CEP295: variants seen among roughly 807,000 people sequenced by gnomAD.
CEP295 encodes centrosomal protein 295.
A neutral mutation model predicts 291.6 loss-of-function variants in CEP295; 190 were observed. The observed-to-expected ratio is 0.65, with a 90% confidence interval of 0.58 to 0.73. The LOEUF (loss-of-function observed/expected upper bound fraction) is 0.73, where lower values mean the gene tolerates loss of function less well. Among genes scored for constraint, CEP295 ranks in the 30% least tolerant of loss-of-function variants. The pLI is 0.00. For missense variants in CEP295, 2,863 were observed against 2,949.4 expected (o/e 0.97, Z 0.68); for synonymous variants, 993 against 1,038.8 (o/e 0.96, Z 0.85).
At chr11:93,663,104 A>T (rs1168044581) in intron 1 of CEP295, among the ~76,000 whole-genome samples, 1 of 152,224 alleles carries the variant, frequency 6.6e-6, no homozygotes, top group Non-Finnish European at 1.5e-5. Context: ...CAACTTTGAC[A>T]TGAGAATGTA....
In CEP295 at chr11:93,705,845, G is replaced by A. The variant is rs557063917; in HGVS notation, c.5597-900G>A. On this transcript the variant is annotated intron_variant, in intron 17 of 29. Coordinates refer to ENST00000325212, the MANE Select transcript of CEP295 (RefSeq NM_033395.2). ...AAAAGTATGGCTTTGTAGTGAGGAC[G>A]CTCACCTTAGTATCTGTAGTTCCAT... Among the ~76,000 whole-genome samples, 11 of 152,260 alleles carry A rather than the reference G, an allele frequency of 7.2e-5. No individual in the cohort carries two copies. In the South Asian group the frequency reaches 2.3e-3, roughly 32 times the overall value.
At chr11:93,692,371 A>G (rs1363670523) in intron 12 of CEP295, among the ~76,000 whole-genome samples, 1 of 152,238 alleles carries the variant, frequency 6.6e-6, no homozygotes, top group Non-Finnish European at 1.5e-5. Flanking sequence ...ACAATAAATA[A>G]TTGTTGAATT....
intron 18 of CEP295, among the ~76,000 whole-genome samples, chr11:93,710,735 A>G (rs2135224444): frequency 6.6e-6 from 1 of 152,290 alleles, no homozygotes. Flanking sequence ...GTGAAGCGAT[A>G]GTGTCCTGAG....
In CEP295 at chr11:93,698,168, C is replaced by G; in HGVS notation, c.3256C>G (p.Gln1086Glu). 6.4e-7 allele frequency: 1 copy of G among 1,552,108 alleles called. No individual in the cohort carries two copies. The highest frequency in any genetic ancestry group is 8.7e-7 in the Non-Finnish European group (1 of 1,147,084). Reference protein sequence around the residue: ...EAQVELLLHRQRDLGDSKSGL... With the variant: ...EAQVELLLHRERDLGDSKSGL... Reference sequence around the variant, plus strand: ...TCAGGTGGAATTACTTTTACATAGACAAAGAGATTTGGGGGACAGTAAGTC... The same window carrying G: ...TCAGGTGGAATTACTTTTACATAGAGAAAGAGATTTGGGGGACAGTAAGTC... Residue 1086 changes from glutamine (Q) to glutamate (E), a missense_variant, in exon 15 of 30, where the codon CAA (glutamine) becomes GAA (glutamate). By Grantham distance (29) the Gln-to-Glu change is conservative. Transcript: ENST00000325212.
chr11:93,728,869 T>A (rs554465246), intron 25 of CEP295, 48 bp downstream of exon 25: 1 of 1,474,436 alleles, frequency 6.8e-7, no homozygotes, highest in South Asian at 1.3e-5. Context: ...AGCAAACCAG[T>A]TGATTTGTCT....
intron 10 of CEP295, among the ~76,000 whole-genome samples, chr11:93,691,273 A>G (rs1404694462): frequency 6.6e-6 from 1 of 152,214 alleles, no homozygotes; most frequent in East Asian, 1.9e-4. Flanking sequence ...GATCAGAACA[A>G]ATTGCTTTAA....
Position 93,725,661 on chromosome 11 carries a change from C to A in CEP295, c.6329C>A (p.Ser2110Tyr), listed in dbSNP as rs763460409. The stretch of plus-strand genomic sequence containing the variant: ...TTTGTTTCCTGCCAGAGATCAGATT[C>A]TTCATCTGAAAGCCACTGTGCTACT... ...DNRDFYQRSD[S>Y]SSESHCATGL... Residue 2110 changes from serine to tyrosine, a missense_variant, in exon 23 of 30, where the codon TCT (serine) becomes TAT (tyrosine). By Grantham distance (144) the Ser-to-Tyr change is moderately radical. Around this residue, in one of 3 missense-constraint regions of CEP295, gnomAD observed 2,295 missense variants for 2,335.7 expected, o/e 0.98. Transcript: ENST00000325212. 91 of 1,539,280 alleles carry A rather than the reference C, an allele frequency of 5.9e-5. No homozygotes were observed. The highest frequency in any genetic ancestry group is 7.7e-5 in the Non-Finnish European group (88 of 1,143,540).
At chr11:93,696,454 T>G in intron 14 of CEP295, 37 bp downstream of exon 14, 1 of 1,288,698 alleles carries the variant, frequency 7.8e-7, no homozygotes, top group Non-Finnish European at 1.1e-6. Flanking sequence ...TGATCGTATG[T>G]GGCTACATTT....
At position 93,697,014 on chromosome 11, in the gene CEP295, A is replaced by G. The variant is rs1233114880; in HGVS notation, c.2102A>G (p.Asn701Ser). 2 of 1,551,616 alleles carry G rather than the reference A, an allele frequency of 1.3e-6. No individual in the cohort carries two copies. The highest frequency in any genetic ancestry group is 2.4e-5 in the East Asian group (1 of 40,914). Residue 701 changes from asparagine (N) to serine (S), a missense_variant, in exon 15 of 30, where the codon AAT becomes AGT. By Grantham distance (46) the Asn-to-Ser change is conservative (BLOSUM62 1). Around this residue, in one of 3 missense-constraint regions of CEP295, gnomAD observed 2,295 missense variants for 2,335.7 expected, o/e 0.98. Coordinates refer to ENST00000325212, the MANE Select transcript of CEP295 (RefSeq NM_033395.2). ...TTACGCGCTTCAGATATTTTAACCAATCAAGCTTTAGAATCACAAGAACAT... is the reference window on the plus strand; with the variant it reads ...TTACGCGCTTCAGATATTTTAACCAGTCAAGCTTTAGAATCACAAGAACAT... ...ETLRASDILT[N>S]QALESQEHLR...
At chr11:93,677,580 C>T (rs1950757107) in intron 6 of CEP295, among the ~76,000 whole-genome samples, 1 of 152,160 alleles carries the variant, frequency 6.6e-6, no homozygotes. Context: ...TCCTACATTA[C>T]ATATTCATGG....
rs994363265 is a variant in CEP295 at position 93,698,101 on chromosome 11, G to C, written c.3189G>C (p.Gln1063His). 3.2e-6 allele frequency: 5 copies of C among 1,552,028 alleles called. No homozygotes were observed. Among genetic ancestry groups the C allele is most frequent in the Non-Finnish European group, 4.4e-6 (5 of 1,147,092 alleles). The change falls in exon 15 of 30, where the codon CAG becomes CAC. Residue 1063 changes from glutamine (Q) to histidine (H), a missense_variant. Gln to His is a conservative substitution (Grantham distance 24). Around this residue, in one of 3 missense-constraint regions of CEP295, gnomAD observed 2,295 missense variants for 2,335.7 expected, o/e 0.98. Coordinates refer to ENST00000325212, the MANE Select transcript of CEP295 (RefSeq NM_033395.2). ...LHDSLKLLQE[Q>H]LTKQRDTLQA... ...ATAGTTTGAAGTTGCTCCAAGAACA[G>C]TTGACTAAACAGAGGGATACTCTTC...
chr11:93,677,254 A>G (rs557543785), intron 6 of CEP295, among the ~76,000 whole-genome samples: 3 of 152,114 alleles, frequency 2.0e-5, no homozygotes, highest in Non-Finnish European at 4.4e-5. Context: ...TACAGCAGGT[A>G]TCATATAAAA....
chr11:93,675,547 ATTTT>A lies in CEP295; in HGVS notation c.529-20_529-17del. Reference sequence around the variant, plus strand: ...AAGTGAAAATTAATGCTTTTAACCTATTTTTTTATGTTCTCTTTTCCAGAACATC... The same window carrying A: ...AAGTGAAAATTAATGCTTTTAACCTATTTATGTTCTCTTTTCCAGAACATC... On this transcript the variant is annotated intron_variant, in intron 5 of 29. Coordinates refer to ENST00000325212, the MANE Select transcript of CEP295 (RefSeq NM_033395.2). 7.7e-7 allele frequency: 1 copy of A among 1,304,468 alleles called. No homozygotes were observed. Among genetic ancestry groups the A allele is most frequent in the Non-Finnish European group, 1.0e-6 (1 of 965,170 alleles). The allele number at this position is 1,304,468 out of a possible 1,614,324, so 80.8% of individuals were successfully genotyped here.
At position 93,722,059 on chromosome 11, in the gene CEP295, G is replaced by T. The variant is rs1217168699; in HGVS notation, c.5947+9G>T. ...GAGCCTTACAGATCCAGGTAATAAG[G>T]TCAAAATGTTTATAAATAAGTTGAA... On this transcript the variant is annotated intron_variant, in intron 20 of 29. Coordinates refer to ENST00000325212, the MANE Select transcript of CEP295 (RefSeq NM_033395.2). The T allele has an allele frequency of 6.7e-7, 1 of 1,492,464 alleles. No individual in the cohort carries two copies. The highest frequency in any genetic ancestry group is 9.1e-7 in the Non-Finnish European group (1 of 1,093,206). 92.5% of individuals were successfully genotyped at this position (1,492,464 alleles called of 1,614,324 possible).
At chr11:93,712,887 T>C (rs927180366) in intron 18 of CEP295, among the ~76,000 whole-genome samples, 1 of 151,932 alleles carries the variant, frequency 6.6e-6, no homozygotes, top group Non-Finnish European at 1.5e-5. Flanking sequence ...GTTGTTGTTG[T>C]TGTTGTTTTA....
At chr11:93,689,773 A>G (rs1951425436) in intron 10 of CEP295, among the ~76,000 whole-genome samples, 1 of 152,182 alleles carries the variant, frequency 6.6e-6, no homozygotes, top group African/African-American at 2.4e-5. Context: ...TTGATTTTGT[A>G]CATTGCTATG....
rs549220697 is a variant in CEP295, at chr11:93,726,929, TACA to T, written c.6500-43_6500-41del. The T allele has an allele frequency of 8.7e-5, 124 of 1,419,070 alleles. 1 individual carries two copies. In the East Asian group the frequency reaches 2.2e-3, roughly 25 times the overall value. 87.9% of individuals were successfully genotyped at this position (1,419,070 alleles called of 1,614,324 possible). ...TTAGAGACTGTCAGTATCCAACTTTTACAACATGTAACGATGATTAACTGATTT... is the reference window on the plus strand; with the variant it reads ...TTAGAGACTGTCAGTATCCAACTTTTACATGTAACGATGATTAACTGATTT... On this transcript the variant is annotated intron_variant, in intron 23 of 29. Transcript: ENST00000325212.
At chr11:93,707,862 A>G (rs1011934220) in intron 18 of CEP295, among the ~76,000 whole-genome samples, 1 of 152,160 alleles carries the variant, frequency 6.6e-6, no homozygotes, top group Admixed American at 6.6e-5. Context: ...CCTTACTTGT[A>G]TCTATAGTTG....
intron 18 of CEP295, among the ~76,000 whole-genome samples, chr11:93,714,013 A>G (rs1293465705): frequency 1.3e-5 from 2 of 151,876 alleles, no homozygotes; most frequent in Admixed American, 6.6e-5. Flanking sequence ...CTTTTTAACT[A>G]TTTCACTGCC....
Sources: allele counts gnomAD v4.1 joint callset (sites outside exome capture counted in the v4.1 genomes callset), GRCh38; gene constraint gnomAD v4.1.1; regional missense constraint gnomAD v4.1.1; transcripts MANE v1.5; gene names NCBI Gene and HGNC (gene_info 2026-07-23, HGNC 2026-07-21).